Variants in DPP10 observed in about 807,000 individuals in gnomAD.
The protein encoded by DPP10 is inactive dipeptidyl peptidase 10.
In DPP10, 33 loss-of-function variants were observed where a neutral mutation model predicts 120.9. That is an observed-to-expected ratio of 0.27 (90% CI 0.21 to 0.37). DPP10 has a LOEUF of 0.37. Among genes scored for constraint, DPP10 ranks in the 10% least tolerant of loss-of-function variants. The pLI is 1.00. For missense variants in DPP10, 816 were observed against 942.8 expected, an observed-to-expected ratio of 0.87 and a Z score of 1.76; for synonymous variants, 337 against 326.1, an observed-to-expected ratio of 1.03 and a Z score of -0.36.
chr2:115,177,904 C>CCTG (rs2053810905), intron 1 of DPP10, among the ~76,000 whole-genome samples: 2 of 152,094 alleles, frequency 1.3e-5, no homozygotes, highest in Non-Finnish European at 2.9e-5. Flanking sequence ...CCTGGGACTA[C>CCTG]AGGTGCCCGC....
At chr2:115,302,078 A>AG (rs1163452912) in intron 1 of DPP10, among the ~76,000 whole-genome samples, 1 of 152,030 alleles carries the variant, frequency 6.6e-6, no homozygotes, top group Non-Finnish European at 1.5e-5. Context: ...TGGAAGGCAA[A>AG]GGGGAAGCAA....
intron 1 of DPP10, among the ~76,000 whole-genome samples, chr2:114,899,385 C>T (rs1166617619): frequency 6.6e-6 from 1 of 151,900 alleles, no homozygotes; most frequent in Admixed American, 6.6e-5. Flanking sequence ...AACTGTTGTA[C>T]AACTATCACA....
At chr2:115,505,080 C>T (rs537006025) in intron 4 of DPP10, among the ~76,000 whole-genome samples, 35 of 152,154 alleles carry the variant, frequency 2.3e-4, no homozygotes, top group African/African-American at 8.2e-4. Context: ...CTAATTTATT[C>T]ATGAGGACAA....
intron 1 of DPP10, among the ~76,000 whole-genome samples, chr2:115,251,649 T>G (rs1184368648): frequency 6.6e-6 from 1 of 152,138 alleles, no homozygotes. Flanking sequence ...AAAGAATTAT[T>G]TGCAATGTCA....
chr2:115,401,315 C>T (rs2068055862), intron 3 of DPP10, among the ~76,000 whole-genome samples: 1 of 152,226 alleles, frequency 6.6e-6, no homozygotes, highest in Non-Finnish European at 1.5e-5. Context: ...GGGCCAGGCT[C>T]ATTCCTATAA....
chr2:115,118,747 T>TTGTG lies in DPP10; in HGVS notation c.61-190450_61-190447dup, dbSNP rs59183186. ...AGCACATGCCACCACACACAGCTAA[T>TTGTG]TGTGTGTGTGTGTGTGTGTGTGTGT... On this transcript the variant is annotated intron_variant, in intron 1 of 25. Transcript: ENST00000410059. Among the ~76,000 whole-genome samples, 1,010 of 140,502 alleles carry TTGTG rather than the reference T, an allele frequency of 7.2e-3. 4 individuals are homozygous for TTGTG. Among genetic ancestry groups the TTGTG allele is most frequent in the African/African-American group, 0.018 (650 of 36,800 alleles). 92.2% of individuals were successfully genotyped at this position (140,502 alleles called of 152,430 possible).
At chr2:115,386,911 A>AC (rs2066981918) in intron 3 of DPP10, among the ~76,000 whole-genome samples, 1 of 152,154 alleles carries the variant, frequency 6.6e-6, no homozygotes, top group African/African-American at 2.4e-5. Flanking sequence ...GTAAAAAAAA[A>AC]AAAAACTGTA....
intron 7 of DPP10, among the ~76,000 whole-genome samples, chr2:115,712,543 A>ATATTTATATATATATATATATATATAT (rs56675119): frequency 1.6e-5 from 1 of 64,276 alleles, no homozygotes; most frequent in Non-Finnish European, 2.9e-5. Context: ...TCCTGAATTA[A>ATATTTATATATATATATATATATATAT]ATATATATAT....
intron 1 of DPP10, among the ~76,000 whole-genome samples, chr2:114,549,750 G>A (rs1328025631): frequency 6.6e-6 from 1 of 151,108 alleles, no homozygotes; most frequent in Non-Finnish European, 1.5e-5. Context: ...GGGCGAGAGG[G>A]GCATCCTGGT....
intron 1 of DPP10, among the ~76,000 whole-genome samples, chr2:115,003,419 C>T (rs892358644): frequency 2.0e-5 from 3 of 151,856 alleles, no homozygotes; most frequent in Non-Finnish European, 4.4e-5. Flanking sequence ...GGGTACTATG[C>T]TCATTACATG....
At chr2:115,301,037 C>G (rs1308839545) in intron 1 of DPP10, among the ~76,000 whole-genome samples, 2 of 152,008 alleles carry the variant, frequency 1.3e-5, no homozygotes, top group African/African-American at 4.8e-5. Context: ...TTTTCTAGGT[C>G]TGTGTCTTCC....
intron 1 of DPP10, among the ~76,000 whole-genome samples, chr2:114,607,559 G>A (rs1692920738): frequency 6.6e-6 from 1 of 152,072 alleles, no homozygotes; most frequent in South Asian, 2.1e-4. Flanking sequence ...TTGTTCACTG[G>A]ATATGTGAGA....
chr2:114,918,508 C>A (rs563102073), intron 1 of DPP10, among the ~76,000 whole-genome samples: 3 of 152,244 alleles, frequency 2.0e-5, no homozygotes, highest in South Asian at 4.1e-4. Flanking sequence ...ATATCCATTG[C>A]AGCACCTTTC....
intron 1 of DPP10, among the ~76,000 whole-genome samples, chr2:114,601,573 G>A (rs1333070806): frequency 6.6e-6 from 1 of 151,828 alleles, no homozygotes; most frequent in African/African-American, 2.4e-5. Flanking sequence ...GATAGTATAA[G>A]CAGTACATTG....
chr2:115,815,176 T>G (rs569235845), intron 20 of DPP10, among the ~76,000 whole-genome samples, 189 bp downstream of exon 20: 9 of 152,272 alleles, frequency 5.9e-5, no homozygotes, highest in African/African-American at 2.2e-4. Flanking sequence ...ATAAAAGAAT[T>G]CTCATATTTC....
At chr2:115,339,086 G>T (rs1036389985) in intron 2 of DPP10, among the ~76,000 whole-genome samples, 2 of 152,126 alleles carry the variant, frequency 1.3e-5, no homozygotes, top group African/African-American at 2.4e-5. Context: ...AATAGACGAA[G>T]AACTCATCAA....
At chr2:114,725,132 G>T (rs1033570055) in intron 1 of DPP10, among the ~76,000 whole-genome samples, 2 of 151,998 alleles carry the variant, frequency 1.3e-5, no homozygotes, top group Admixed American at 6.6e-5. Context: ...GCCAAATGCA[G>T]CACTTCCCAG....
At chr2:115,647,396 A>G (rs942438438) in intron 5 of DPP10, among the ~76,000 whole-genome samples, 9 of 152,158 alleles carry the variant, frequency 5.9e-5, no homozygotes, top group African/African-American at 1.9e-4. Context: ...CTTTTTCAAC[A>G]AACAATGGTT....
intron 5 of DPP10, among the ~76,000 whole-genome samples, chr2:115,566,025 G>A (rs900013455): frequency 4.3e-4 from 65 of 151,944 alleles, no homozygotes; most frequent in Admixed American, 9.2e-4. Context: ...GACCTCAGGC[G>A]ATCAGCCCGC....
Sources: allele counts gnomAD v4.1 joint callset (sites outside exome capture counted in the v4.1 genomes callset), GRCh38; gene constraint gnomAD v4.1.1; transcripts MANE v1.5; gene names NCBI Gene and HGNC (gene_info 2026-07-23, HGNC 2026-07-21).